SKA2: variants seen among roughly 807,000 people sequenced by gnomAD.
The protein encoded by SKA2 is spindle and kinetochore associated complex subunit 2.
SKA2 carries 13 observed loss-of-function variants against 16.9 expected under a neutral mutation model. That is an observed-to-expected ratio of 0.77 (90% CI 0.50 to 1.22). The LOEUF is 1.22. Ranked by LOEUF, SKA2 falls within the 50% of genes most tolerant of loss-of-function variation. The pLI is 0.00. For missense variants in SKA2, 107 were observed against 139.7 expected, an observed-to-expected ratio of 0.77 and a Z score of 1.18; for synonymous variants, 47 against 48.5, an observed-to-expected ratio of 0.97 and a Z score of 0.13.
intron 1 of SKA2, among the ~76,000 whole-genome samples, chr17:59,141,410 A>G: frequency 6.6e-6 from 1 of 151,556 alleles, no homozygotes; most frequent in East Asian, 2.0e-4. Flanking sequence ...TAAATAAATA[A>G]ATAGATAAAT....
chr17:59,141,083 C>T (rs1262468967), intron 1 of SKA2, among the ~76,000 whole-genome samples: 1 of 151,982 alleles, frequency 6.6e-6, no homozygotes, highest in African/African-American at 2.4e-5. Flanking sequence ...AGGTGTGAGC[C>T]ACTGCTCCAA....
chr17:59,148,994 T>C (rs1432226311), intron 1 of SKA2, among the ~76,000 whole-genome samples: 1 of 152,062 alleles, frequency 6.6e-6, no homozygotes, highest in Non-Finnish European at 1.5e-5. Context: ...AAATTAAAAC[T>C]GATATTTTTG....
chr17:59,130,891 T>TA (rs2046407550), intron 2 of SKA2, among the ~76,000 whole-genome samples: 1 of 152,132 alleles, frequency 6.6e-6, no homozygotes, highest in South Asian at 2.1e-4. Flanking sequence ...AAAATATAAG[T>TA]AAAAAATCTA....
intron 1 of SKA2, among the ~76,000 whole-genome samples, chr17:59,139,396 CAA>C (rs113246125): frequency 6.0e-5 from 3 of 50,314 alleles, no homozygotes; most frequent in Non-Finnish European, 4.7e-5. Context: ...GACTCCGTCT[CAA>C]AAAAAAAAAA....
intron 2 of SKA2, among the ~76,000 whole-genome samples, chr17:59,125,234 A>C (rs1309974160): frequency 3.0e-5 from 4 of 134,402 alleles, no homozygotes; most frequent in Non-Finnish European, 4.7e-5. Flanking sequence ...CAGGTGATCC[A>C]CCCGCCTTGG....
chr17:59,114,888 T>A (rs530007390), intron 3 of SKA2, among the ~76,000 whole-genome samples: 34 of 152,282 alleles, frequency 2.2e-4, no homozygotes, highest in African/African-American at 8.2e-4. Context: ...ACCCCAGACC[T>A]ACAGAATCAG....
Position 59,119,328 on chromosome 17 carries a change from T to C in SKA2, c.288A>G (p.Thr96=). ...MNMIQKLQKQ[T]DLELSPLTKE... ...CAACTGAAAGCATTACCTCCAGGTC[T>C]GTTTGCTTCTGTAGTTTTTGTATCA... The change falls in exon 3 of 4, where the codon ACA becomes ACG. Residue 96 remains threonine (T), a synonymous_variant. Transcript: ENST00000330137. 3 of 1,613,924 alleles carry C rather than the reference T, an allele frequency of 1.9e-6. No homozygotes were observed. The highest frequency in any genetic ancestry group is 2.5e-6 in the Non-Finnish European group (3 of 1,179,832).
At chr17:59,125,272 T>C (rs756491030) in intron 2 of SKA2, among the ~76,000 whole-genome samples, 1 of 150,688 alleles carries the variant, frequency 6.6e-6, no homozygotes, top group Non-Finnish European at 1.5e-5. Context: ...ATTACAGGTA[T>C]GAGCCACCGC....
chr17:59,127,021 A>G (rs1298174989), intron 2 of SKA2, among the ~76,000 whole-genome samples: 1 of 152,246 alleles, frequency 6.6e-6, no homozygotes, highest in African/African-American at 2.4e-5. Context: ...AAAGACAAAT[A>G]TTATATGATT....
intron 1 of SKA2, among the ~76,000 whole-genome samples, chr17:59,149,119 T>A (rs1373184336): frequency 1.3e-5 from 2 of 152,208 alleles, no homozygotes; most frequent in South Asian, 4.1e-4. Flanking sequence ...CAGTTGCTTA[T>A]AAGATCAAGC....
At chr17:59,139,325 A>G (rs1032367090) in intron 1 of SKA2, among the ~76,000 whole-genome samples, 1 of 145,064 alleles carries the variant, frequency 6.9e-6, no homozygotes, top group Non-Finnish European at 1.5e-5. Context: ...TAAACCTGGG[A>G]GGCAGAGGTT....
chr17:59,135,628 A>AT (rs2046439535), intron 1 of SKA2, among the ~76,000 whole-genome samples: 1 of 151,972 alleles, frequency 6.6e-6, no homozygotes, highest in Non-Finnish European at 1.5e-5. Flanking sequence ...AACTGTCAAG[A>AT]TTTTTTGCAA....
intron 1 of SKA2, among the ~76,000 whole-genome samples, chr17:59,152,757 T>C (rs2046587187): frequency 6.6e-6 from 1 of 152,004 alleles, no homozygotes; most frequent in South Asian, 2.1e-4. Context: ...AGATGCACTG[T>C]CTTTTATTAT....
chr17:59,139,339 G>C lies in SKA2; in HGVS notation c.34-7972C>G, dbSNP rs980943914. On this transcript the variant is annotated intron_variant, in intron 1 of 3. Transcript: ENST00000330137. ...ATAAACCTGGGAGGCAGAGGTTGCA[G>C]AGAGCCGAGATGGCGCCACTGCACT... Among the ~76,000 whole-genome samples, 30 of 144,724 alleles carry C rather than the reference G, an allele frequency of 2.1e-4. 1 individual carries two copies. The Admixed American group carries it at 2.1e-3, about 10-fold the overall frequency. The allele number at this position is 144,724 out of a possible 152,430, so 94.9% of individuals were successfully genotyped here. A position where few individuals can be genotyped will look rare whatever the true frequency, so the allele number is the denominator to read the frequency against.
chr17:59,123,972 A>T (rs1361790430), intron 2 of SKA2, among the ~76,000 whole-genome samples: 1 of 152,204 alleles, frequency 6.6e-6, no homozygotes, highest in Non-Finnish European at 1.5e-5. Context: ...CAGATCAGGA[A>T]AAATAAAGAT....
intron 1 of SKA2, chr17:59,151,264 A>T (rs758978007): frequency 2.1e-6 from 1 of 469,250 alleles, no homozygotes; most frequent in Non-Finnish European, 4.4e-6. Flanking sequence ...CATCGGTTGA[A>T]GCTTCAGTGA....
chr17:59,155,049 G>A (rs746962020), intron 1 of SKA2, 82 bp downstream of exon 1: 3 of 1,613,962 alleles, frequency 1.9e-6, no homozygotes, highest in African/African-American at 1.3e-5. Flanking sequence ...CGGAGTTTCC[G>A]GCGACTCCAA....
intron 2 of SKA2, among the ~76,000 whole-genome samples, chr17:59,129,115 A>G (rs957328818): frequency 6.6e-6 from 1 of 151,972 alleles, no homozygotes; most frequent in Non-Finnish European, 1.5e-5. Context: ...TTGGGAGGCC[A>G]AGGCAGGTAG....
intron 1 of SKA2, chr17:59,151,361 G>T: frequency 2.5e-6 from 1 of 402,642 alleles, no homozygotes. Flanking sequence ...TTTAAAAAAG[G>T]ATAAGACTTA....
Sources: gnomAD v4.1 joint callset for allele counts (sites outside exome capture counted in the v4.1 genomes callset) on GRCh38, gnomAD v4.1.1 for gene constraint, MANE v1.5 for transcripts, NCBI Gene and HGNC (gene_info 2026-07-23, HGNC 2026-07-21) for gene names.